Variants in EBF1 observed in about 807,000 individuals in gnomAD.
EBF1 encodes the protein EBF transcription factor 1.
Under a neutral mutation model 68.4 loss-of-function variants are expected in EBF1, and 10 were observed. That is an observed-to-expected ratio of 0.15 (90% CI 0.09 to 0.25). EBF1 has a LOEUF of 0.25. Ranked by LOEUF, EBF1 falls within the 10% of genes least tolerant of loss-of-function variation. The pLI, the probability that EBF1 is intolerant of heterozygous loss-of-function variation, is 1.00. For synonymous variants in EBF1, 298 were observed against 299.8 expected (o/e 0.99, Z 0.06); for missense variants, 509 against 794.4 (o/e 0.64, Z 4.32).
At chr5:158,921,941 C>T (rs1194084144) in intron 6 of EBF1, among the ~76,000 whole-genome samples, 2 of 152,190 alleles carry the variant, frequency 1.3e-5, no homozygotes, top group African/African-American at 4.8e-5. Context: ...AGATGATTCC[C>T]TTTTGCCTCA....
At chr5:158,760,303 G>A (rs984446147) in intron 10 of EBF1, among the ~76,000 whole-genome samples, 3 of 152,118 alleles carry the variant, frequency 2.0e-5, no homozygotes, top group East Asian at 1.9e-4. Context: ...ATGGCCCAAC[G>A]TGGCATAAGT....
At chr5:158,780,021 CT>C (rs1776113084) in intron 9 of EBF1, among the ~76,000 whole-genome samples, 1 of 152,104 alleles carries the variant, frequency 6.6e-6, no homozygotes, top group Admixed American at 6.6e-5. Context: ...GTTTTCCTAG[CT>C]GTGAATATTA....
At chr5:158,795,283 C>T (rs552458465) in intron 9 of EBF1, among the ~76,000 whole-genome samples, 1 of 152,200 alleles carries the variant, frequency 6.6e-6, no homozygotes, top group South Asian at 2.1e-4. Flanking sequence ...ATACAAATCA[C>T]TTACATTCTA....
intron 6 of EBF1, among the ~76,000 whole-genome samples, chr5:158,876,500 C>T (rs1797835349): frequency 6.6e-6 from 1 of 152,186 alleles, no homozygotes; most frequent in Non-Finnish European, 1.5e-5. Context: ...TGTTTTCGGT[C>T]TCACTGAGCC....
At chr5:158,789,835 T>C (rs1262928941) in intron 9 of EBF1, among the ~76,000 whole-genome samples, 5 of 152,192 alleles carry the variant, frequency 3.3e-5, no homozygotes, top group African/African-American at 1.2e-4. Context: ...TTGAATATCA[T>C]AGGGAAGCCA....
At chr5:158,988,473 C>T (rs1232962821) in intron 6 of EBF1, among the ~76,000 whole-genome samples, 2 of 152,176 alleles carry the variant, frequency 1.3e-5, no homozygotes, top group Non-Finnish European at 2.9e-5. Flanking sequence ...CCCAACACCT[C>T]CTTATTCAAC....
intron 6 of EBF1, among the ~76,000 whole-genome samples, chr5:158,962,747 C>T (rs775028670): frequency 2.0e-5 from 3 of 152,176 alleles, no homozygotes; most frequent in Admixed American, 6.5e-5. Flanking sequence ...GTATAAATCT[C>T]GCCTGCGGGA....
chr5:159,031,896 C>T (rs930956722), intron 6 of EBF1, among the ~76,000 whole-genome samples: 20 of 152,200 alleles, frequency 1.3e-4, no homozygotes, highest in African/African-American at 4.8e-4. Flanking sequence ...AAATATAAAA[C>T]AAAACCCGCC....
intron 2 of EBF1, chr5:159,096,668 C>T (rs550610773): frequency 9.9e-6 from 6 of 606,084 alleles, no homozygotes; most frequent in Middle Eastern, 4.4e-4. Context: ...GTGCCCCGGC[C>T]ACCAGAGGCA....
intron 6 of EBF1, among the ~76,000 whole-genome samples, chr5:159,049,207 A>C (rs913647293): frequency 2.3e-4 from 35 of 152,352 alleles, no homozygotes; most frequent in Non-Finnish European, 4.4e-4. Flanking sequence ...ACAGCTATCC[A>C]TTAGCATGAC....
At chr5:158,954,201 T>C (rs1156732709) in intron 6 of EBF1, among the ~76,000 whole-genome samples, 1 of 151,512 alleles carries the variant, frequency 6.6e-6, no homozygotes, top group African/African-American at 2.5e-5. Flanking sequence ...GTGCGGCTGA[T>C]GGGGTGGCGT....
chr5:159,091,829 C>T (rs970969103), intron 4 of EBF1, among the ~76,000 whole-genome samples: 12 of 152,166 alleles, frequency 7.9e-5, no homozygotes, highest in African/African-American at 1.9e-4. Context: ...AACCTTTTCA[C>T]GGTCTCCTCA....
chr5:159,003,712 C>G (rs780536927), intron 6 of EBF1, among the ~76,000 whole-genome samples: 13 of 152,172 alleles, frequency 8.5e-5, no homozygotes, highest in Non-Finnish European at 1.9e-4. Flanking sequence ...GAGCACATGC[C>G]CACAAGCCAT....
intron 6 of EBF1, among the ~76,000 whole-genome samples, chr5:158,956,138 G>A (rs1817025991): frequency 6.6e-6 from 1 of 150,464 alleles, no homozygotes; most frequent in Non-Finnish European, 1.5e-5. Flanking sequence ...GGCAAGATTT[G>A]AACCCATGTC....
At chr5:158,745,737 T>C (rs1046025623) in intron 10 of EBF1, among the ~76,000 whole-genome samples, 2 of 151,900 alleles carry the variant, frequency 1.3e-5, no homozygotes, top group African/African-American at 4.8e-5. Flanking sequence ...AGAGGGAGGG[T>C]GGGGGTTCTA....
intron 9 of EBF1, among the ~76,000 whole-genome samples, chr5:158,794,684 A>T (rs1006140566): frequency 4.6e-5 from 7 of 152,244 alleles, no homozygotes; most frequent in African/African-American, 1.7e-4. Flanking sequence ...CCATCTCTCA[A>T]CTTCCTTGAT....
chr5:158,716,433 C>A (rs574049090), intron 11 of EBF1, among the ~76,000 whole-genome samples: 15 of 152,238 alleles, frequency 9.9e-5, no homozygotes, highest in African/African-American at 2.9e-4. Flanking sequence ...ATAGGTAGGT[C>A]ATCAGTACAG....
At chr5:158,956,560 G>A (rs886383149) in intron 6 of EBF1, among the ~76,000 whole-genome samples, 5 of 151,812 alleles carry the variant, frequency 3.3e-5, no homozygotes, top group Admixed American at 3.3e-4. Flanking sequence ...ATGAAATCAC[G>A]ACCTTAAGGT....
intron 6 of EBF1, among the ~76,000 whole-genome samples, chr5:158,934,062 AG>A (rs1811451408): frequency 1.3e-5 from 2 of 152,332 alleles, no homozygotes; most frequent in Non-Finnish European, 2.9e-5. Flanking sequence ...CATGATATGG[AG>A]CCACAGGCAG....
Sources: allele counts gnomAD v4.1 joint callset (sites outside exome capture counted in the v4.1 genomes callset), GRCh38; gene constraint gnomAD v4.1.1; transcripts MANE v1.5; gene names NCBI Gene and HGNC (gene_info 2026-07-23, HGNC 2026-07-21).